OXSR1: variants seen among roughly 807,000 people sequenced by gnomAD.
OXSR1 encodes serine/threonine-protein kinase OSR1.
A neutral mutation model predicts 79.8 loss-of-function variants in OXSR1; 24 were observed. That is an observed-to-expected ratio of 0.30 (90% CI 0.22 to 0.42). The LOEUF is 0.42. Among genes scored for constraint, OXSR1 ranks in the 10% least tolerant of loss-of-function variants. The pLI is 1.00. For synonymous variants in OXSR1, 226 were observed against 209.2 expected (o/e 1.08, Z -0.69); for missense variants, 430 against 618.4 (o/e 0.70, Z 3.23).
At chr3:38,218,949 G>A (rs1195539365) in intron 5 of OXSR1, among the ~76,000 whole-genome samples, 1 of 152,070 alleles carries the variant, frequency 6.6e-6, no homozygotes, top group Admixed American at 6.5e-5. Context: ...AGGCACCAAA[G>A]TCCATCTTGA....
At chr3:38,185,176 T>C (rs1235658371) in intron 2 of OXSR1, among the ~76,000 whole-genome samples, 3 of 152,064 alleles carry the variant, frequency 2.0e-5, no homozygotes, top group African/African-American at 7.2e-5. Context: ...CGACAGAATT[T>C]GTCTTCATTA....
chr3:38,195,320 T>G (rs953714384), intron 3 of OXSR1, among the ~76,000 whole-genome samples: 2 of 152,232 alleles, frequency 1.3e-5, no homozygotes, highest in Admixed American at 6.5e-5. Flanking sequence ...CCCTCAACTT[T>G]GTCTTTTTCT....
chr3:38,215,744 A>T (rs1450393472), intron 4 of OXSR1, among the ~76,000 whole-genome samples: 1 of 152,180 alleles, frequency 6.6e-6, no homozygotes, highest in South Asian at 2.1e-4. Flanking sequence ...TTTCAGTTGC[A>T]TACTGATGAT....
At chr3:38,205,777 A>G (rs963091549) in intron 4 of OXSR1, among the ~76,000 whole-genome samples, 2 of 152,182 alleles carry the variant, frequency 1.3e-5, no homozygotes, top group African/African-American at 4.8e-5. Context: ...GGGGCCAGAA[A>G]GTGATGGGGC....
chr3:38,233,421 A>T (rs1702852518), intron 10 of OXSR1, among the ~76,000 whole-genome samples: 1 of 152,204 alleles, frequency 6.6e-6, no homozygotes, highest in African/African-American at 2.4e-5. Context: ...CCACCCACTT[A>T]AAAGCTCAGT....
intron 4 of OXSR1, among the ~76,000 whole-genome samples, chr3:38,200,995 T>C (rs1169653455): frequency 6.6e-6 from 1 of 152,166 alleles, no homozygotes; most frequent in Non-Finnish European, 1.5e-5. Context: ...CATCTTGGAT[T>C]ATTAGTGAGG....
chr3:38,166,789 C>CAAAA (rs915290107), intron 1 of OXSR1, among the ~76,000 whole-genome samples: 4 of 63,794 alleles, frequency 6.3e-5, no homozygotes, highest in Non-Finnish European at 6.2e-5. Context: ...GACTCTGACT[C>CAAAA]AAAAAAAAAA....
chr3:38,243,049 T>C (rs1187796245), intron 12 of OXSR1, among the ~76,000 whole-genome samples: 1 of 151,296 alleles, frequency 6.6e-6, no homozygotes, highest in Non-Finnish European at 1.5e-5. Context: ...TTTATTTATT[T>C]TGAGACAGGG....
intron 10 of OXSR1, among the ~76,000 whole-genome samples, chr3:38,236,266 T>G (rs1702916595): frequency 6.6e-6 from 1 of 152,064 alleles, no homozygotes; most frequent in South Asian, 2.1e-4. Context: ...GTCCTACAGA[T>G]AACTCCTAAA....
intron 4 of OXSR1, among the ~76,000 whole-genome samples, chr3:38,212,750 A>G (rs1702412019): frequency 6.6e-6 from 1 of 152,228 alleles, no homozygotes; most frequent in Admixed American, 6.5e-5. Context: ...TAAAAAACAA[A>G]ACTCTTCTTG....
intron 4 of OXSR1, among the ~76,000 whole-genome samples, chr3:38,210,342 G>A (rs1227067240): frequency 6.6e-6 from 1 of 152,140 alleles, no homozygotes; most frequent in Non-Finnish European, 1.5e-5. Context: ...AGATGGGTTA[G>A]GTTCTGGTAA....
At position 38,229,478 on chromosome 3, in the gene OXSR1, T is replaced by C. The variant is rs1023134318; in HGVS notation, c.837-209T>C. Among the ~76,000 whole-genome samples, 4 of 152,168 alleles carry C rather than the reference T, an allele frequency of 2.6e-5. No homozygotes were observed. The East Asian group carries it at 5.8e-4, about 22-fold the overall frequency. ...TTTTTCAAAGAATCTACAATAATTA[T>C]CAGAATATTTGTTTTGAGTTTTTTA... On this transcript the variant is annotated intron_variant, in intron 8 of 17. Coordinates refer to ENST00000311806, the MANE Select transcript of OXSR1 (RefSeq NM_005109.3).
At chr3:38,227,285 T>C (rs1004977289) in intron 8 of OXSR1, among the ~76,000 whole-genome samples, 3 of 152,222 alleles carry the variant, frequency 2.0e-5, no homozygotes, top group Non-Finnish European at 4.4e-5. Flanking sequence ...AGCACTGTTA[T>C]TTTCTTTATT....
At chr3:38,237,813 A>G (rs1456301753) in intron 11 of OXSR1, among the ~76,000 whole-genome samples, 1 of 152,176 alleles carries the variant, frequency 6.6e-6, no homozygotes. Context: ...TTTACATACA[A>G]TTGTGAGTTT....
intron 8 of OXSR1, among the ~76,000 whole-genome samples, chr3:38,225,978 A>T (rs1702680796): frequency 6.6e-6 from 1 of 152,146 alleles, no homozygotes; most frequent in Admixed American, 6.5e-5. Flanking sequence ...AGAGACAACA[A>T]AAACCTCTCC....
chr3:38,204,307 A>G (rs1702226634), intron 4 of OXSR1, among the ~76,000 whole-genome samples: 1 of 152,048 alleles, frequency 6.6e-6, no homozygotes, highest in African/African-American at 2.4e-5. Context: ...GGGGACCCCA[A>G]GCGCCTGCTT....
At position 38,216,077 on chromosome 3, in the gene OXSR1, T is replaced by C; in HGVS notation, c.435-19T>C. On this transcript the variant is annotated intron_variant, in intron 4 of 17. Transcript: ENST00000311806. ...GAATAGATGTTTTTTGATACATAAC[T>C]TTTTTTTTTTTTTTAAAGAGATGTG... 3 of 382,288 alleles carry C rather than the reference T, an allele frequency of 7.8e-6. No homozygotes were observed. Among genetic ancestry groups the C allele is most frequent in the Non-Finnish European group, 1.2e-5 (3 of 251,062 alleles). 23.7% of individuals were successfully genotyped at this position (382,288 alleles called of 1,614,324 possible).
intron 10 of OXSR1, among the ~76,000 whole-genome samples, chr3:38,231,424 A>G (rs1486569959): frequency 6.6e-6 from 1 of 151,980 alleles, no homozygotes; most frequent in East Asian, 1.9e-4. Flanking sequence ...AATTATTCTC[A>G]TGGATAGCTA....
In OXSR1 at chr3:38,236,796, G is replaced by A. The variant is rs374397511; in HGVS notation, c.952-43G>A. 8 of 1,536,212 alleles carry A rather than the reference G, an allele frequency of 5.2e-6. No homozygotes were observed. In the African/African-American group the frequency reaches 1.1e-4, roughly 21 times the overall value. The stretch of plus-strand genomic sequence containing the variant: ...AAATATGGAGTTTTCTACTTAGTAA[G>A]CATGAAATACCACCATAACCCACTT... On this transcript the variant is annotated intron_variant, in intron 10 of 17. Transcript: ENST00000311806.
Sources: gnomAD v4.1 joint callset for allele counts (sites outside exome capture counted in the v4.1 genomes callset) on GRCh38, gnomAD v4.1.1 for gene constraint, MANE v1.5 for transcripts, NCBI Gene and HGNC (gene_info 2026-07-23, HGNC 2026-07-21) for gene names.